The following GLIS3 variants were observed in gnomAD, a reference collection of about 807,000 sequenced individuals.
GLIS3 encodes the protein zinc finger protein GLIS3.
In GLIS3, 53 loss-of-function variants were observed where a neutral mutation model predicts 78.6. The ratio of observed to expected loss-of-function variants is 0.67; its 90% CI spans 0.54 to 0.85. GLIS3 has a LOEUF of 0.85. Among genes scored for constraint, GLIS3 ranks in the 40% least tolerant of loss-of-function variants. The pLI is 0.00. For missense variants in GLIS3, 1,703 were observed against 1,231.1 expected (o/e 1.38, Z -5.74); for synonymous variants, 684 against 509.9 (o/e 1.34, Z -4.60).
rs76822583 is a variant in GLIS3, at chr9:3,853,924, G to A, written c.2473+2085C>T. ...TCTTGGAACTTTGACACCATCAACTGTGAAATGCTCCATTACTCTAGATAG... is the reference window on the plus strand; with the variant it reads ...TCTTGGAACTTTGACACCATCAACTATGAAATGCTCCATTACTCTAGATAG... On this transcript the variant is annotated intron_variant, in intron 9 of 10. Transcript: ENST00000381971. 8.0e-3 allele frequency among the ~76,000 whole-genome samples: 1,211 copies of A among 152,286 alleles called. 9 individuals carry two copies. Among genetic ancestry groups the A allele is most frequent in the African/African-American group, 0.023 (974 of 41,568 alleles).
intron 2 of GLIS3, among the ~76,000 whole-genome samples, chr9:4,195,201 C>T (rs1818700699): frequency 6.6e-6 from 1 of 152,248 alleles, no homozygotes; most frequent in Non-Finnish European, 1.5e-5. Context: ...TCTGGCCACG[C>T]TTGAGGAGCC....
rs544196280 is a variant in GLIS3 at position 4,120,870 on chromosome 9, G to C, written c.597-1989C>G. Among the ~76,000 whole-genome samples the C allele has an allele frequency of 2.6e-5, 4 of 152,254 alleles. No individual in the cohort carries two copies. The East Asian group carries it at 7.7e-4, about 29-fold the overall frequency. On this transcript the variant is annotated intron_variant, in intron 3 of 10. Coordinates refer to ENST00000381971, the MANE Select transcript of GLIS3 (RefSeq NM_001042413.2). ...CTATATATACTTTGCTTATAAAATT[G>C]TATTATTTGGTTTCAGGGCAGCCTA...
At chr9:4,324,762 C>T (rs987358347) in intron 2 of GLIS3, among the ~76,000 whole-genome samples, 1 of 152,154 alleles carries the variant, frequency 6.6e-6, no homozygotes, top group African/African-American at 2.4e-5. Context: ...TTGCTTTGTA[C>T]CATTTTCTGT....
chr9:4,390,141 A>G, the GLIS3 span, among the ~76,000 whole-genome samples: 507 of 152,388 alleles, frequency 3.3e-3, 3 homozygotes, highest in Non-Finnish European at 4.7e-3. Flanking sequence ...CTGAAAGATC[A>G]TGACATGTTT....
chr9:3,984,409 C>T (rs936073262), intron 4 of GLIS3, among the ~76,000 whole-genome samples: 1 of 152,222 alleles, frequency 6.6e-6, no homozygotes, highest in Non-Finnish European at 1.5e-5. Context: ...CATTTTGGAG[C>T]TCTAAGATTT....
chr9:4,202,728 C>T (rs78997249), intron 2 of GLIS3, among the ~76,000 whole-genome samples: 6,369 of 152,172 alleles, frequency 0.042, 430 homozygotes, highest in African/African-American at 0.14. Flanking sequence ...AAAGGAATCC[C>T]TATTAAATAA....
At chr9:4,232,603 G>T (rs998123646) in intron 2 of GLIS3, among the ~76,000 whole-genome samples, 1 of 152,058 alleles carries the variant, frequency 6.6e-6, no homozygotes, top group South Asian at 2.1e-4. Context: ...CAATATAAAA[G>T]AAATTTCCTA....
intron 4 of GLIS3, among the ~76,000 whole-genome samples, chr9:4,101,581 G>C (rs891654439): frequency 6.6e-6 from 1 of 152,186 alleles, no homozygotes; most frequent in East Asian, 1.9e-4. Flanking sequence ...TTATAATTTA[G>C]AAATTATTTT....
chr9:4,407,540 G>A, the GLIS3 span, among the ~76,000 whole-genome samples: 23 of 152,290 alleles, frequency 1.5e-4, no homozygotes, highest in East Asian at 9.7e-4. Context: ...CCAGCTACTC[G>A]GGAGGCTGAG....
At chr9:4,361,265 T>C in the GLIS3 span, among the ~76,000 whole-genome samples, 6 of 152,216 alleles carry the variant, frequency 3.9e-5, no homozygotes, top group South Asian at 2.1e-4. Flanking sequence ...TACCAAAGAC[T>C]GACCTCCTTG....
chr9:4,191,542 C>G (rs895672808), intron 2 of GLIS3, among the ~76,000 whole-genome samples: 4 of 152,212 alleles, frequency 2.6e-5, no homozygotes. Context: ...AGACCTAGAT[C>G]TCTGTGGTTT....
At chr9:4,008,707 G>C (rs1036453363) in intron 4 of GLIS3, among the ~76,000 whole-genome samples, 8 of 152,122 alleles carry the variant, frequency 5.3e-5, no homozygotes, top group African/African-American at 1.9e-4. Context: ...GACATAAAAA[G>C]AGCCACAGGC....
At chr9:3,931,673 CTA>C (rs1206630215) in intron 6 of GLIS3, among the ~76,000 whole-genome samples, 1 of 152,176 alleles carries the variant, frequency 6.6e-6, no homozygotes, top group Non-Finnish European at 1.5e-5. Flanking sequence ...CAACCACTTG[CTA>C]GACATCTTAT....
rs915167750 is a variant in GLIS3 at position 4,118,194 on chromosome 9, G to C, written c.1284C>G (p.Phe428Leu). 2.5e-6 allele frequency: 4 copies of C among 1,585,622 alleles called. 1 individual carries two copies. In the South Asian group the frequency reaches 3.5e-5, roughly 14 times the overall value. The change falls in exon 4 of 11, where the codon TTC (phenylalanine) becomes TTG (leucine). Residue 428 changes from phenylalanine (F) to leucine (L), a missense_variant. Coordinates refer to ENST00000381971, the MANE Select transcript of GLIS3 (RefSeq NM_001042413.2). The surrounding 1 kb of genome is among the most constrained non-coding windows in gnomAD (Gnocchi z 4.7). Reference sequence around the variant, plus strand: ...GGAACTCCTCCAGGCGTTCGGTCTTGAACAGGCCGGCCGACTGGCTGTCGG... The same window carrying C: ...GGAACTCCTCCAGGCGTTCGGTCTTCAACAGGCCGGCCGACTGGCTGTCGG... ...PGPDSQSAGL[F>L]KTERLEEFPG... is the part of the protein sequence containing the mutation.
the GLIS3 span, among the ~76,000 whole-genome samples, chr9:4,468,802 T>G: frequency 6.6e-6 from 1 of 152,176 alleles, no homozygotes; most frequent in Non-Finnish European, 1.5e-5. Context: ...ACCTTAAATG[T>G]AAATGGGCTA....
chr9:4,142,959 G>C (rs1833918787), intron 2 of GLIS3, among the ~76,000 whole-genome samples: 1 of 152,034 alleles, frequency 6.6e-6, no homozygotes, highest in Non-Finnish European at 1.5e-5. Flanking sequence ...AATTTCACAG[G>C]TATCCGCTTC....
chr9:4,462,566 G>A, the GLIS3 span, among the ~76,000 whole-genome samples: 1 of 151,056 alleles, frequency 6.6e-6, no homozygotes, highest in African/African-American at 2.4e-5. Context: ...AGATCAGCCT[G>A]GGCAACATAG....
intron 4 of GLIS3, among the ~76,000 whole-genome samples, chr9:4,021,049 G>T (rs1451639973): frequency 6.6e-6 from 1 of 152,194 alleles, no homozygotes; most frequent in Non-Finnish European, 1.5e-5. Context: ...AGCATCTGCA[G>T]TTCTTGGATA....
At chr9:4,370,512 C>T in the GLIS3 span, among the ~76,000 whole-genome samples, 1 of 152,110 alleles carries the variant, frequency 6.6e-6, no homozygotes, top group Non-Finnish European at 1.5e-5. Context: ...TCCAAATTGT[C>T]AAGACCTTTG....
Sources: gnomAD v4.1 joint callset for allele counts (sites outside exome capture counted in the v4.1 genomes callset) on GRCh38, gnomAD v4.1.1 for gene constraint, Gnocchi (gnomAD v3.1) non-coding constraint, MANE v1.5 for transcripts, NCBI Gene and HGNC (gene_info 2026-07-23, HGNC 2026-07-21) for gene names.